Variants in DOK6 observed in about 807,000 individuals in gnomAD.
The protein encoded by DOK6 is docking protein 6.
In DOK6, 22 loss-of-function variants were observed where a neutral mutation model predicts 44.0. The observed-to-expected ratio is 0.50, with a 90% CI of 0.36 to 0.71. DOK6 has a LOEUF of 0.71. Among genes scored for constraint, DOK6 ranks in the 30% least tolerant of loss-of-function variants. DOK6 has a pLI of 0.00. For synonymous variants in DOK6, 166 were observed against 145.5 expected, an observed-to-expected ratio of 1.14 and a Z score of -1.01; for missense variants, 340 against 416.4, an observed-to-expected ratio of 0.82 and a Z score of 1.60.
intron 1 of DOK6, among the ~76,000 whole-genome samples, chr18:69,482,426 C>T (rs17081003): frequency 0.24 from 36,303 of 150,744 alleles, 4,771 homozygotes; most frequent in East Asian, 0.53. Context: ...ATAAATAGAA[C>T]GGGACTGACA....
chr18:69,487,224 T>C (rs974415532), intron 1 of DOK6, among the ~76,000 whole-genome samples: 7 of 135,654 alleles, frequency 5.2e-5, no homozygotes, highest in African/African-American at 1.8e-4. Context: ...TGTGTGTGTC[T>C]GTCTGTGTGT....
At chr18:69,673,241 T>TATATAC (rs1985848514) in intron 3 of DOK6, among the ~76,000 whole-genome samples, 1 of 152,008 alleles carries the variant, frequency 6.6e-6, no homozygotes, top group Non-Finnish European at 1.5e-5. Context: ...TATATATATA[T>TATATAC]ATATGATGAA....
intron 5 of DOK6, among the ~76,000 whole-genome samples, chr18:69,712,174 G>A (rs552604475): frequency 2.7e-5 from 4 of 146,732 alleles, no homozygotes; most frequent in Admixed American, 2.7e-4. Flanking sequence ...CCAGCTACTT[G>A]GGAGGCTGAG....
intron 3 of DOK6, among the ~76,000 whole-genome samples, chr18:69,606,569 A>G (rs1762265422): frequency 6.6e-6 from 1 of 151,888 alleles, no homozygotes. Flanking sequence ...TAGACAAGAA[A>G]AAGAAACAAA....
At chr18:69,808,227 T>C (rs1271697296) in intron 7 of DOK6, among the ~76,000 whole-genome samples, 1 of 151,732 alleles carries the variant, frequency 6.6e-6, no homozygotes, top group African/African-American at 2.4e-5. Flanking sequence ...AAGAGAAATT[T>C]AAATATACCT....
chr18:69,586,032 A>T (rs966252561), intron 2 of DOK6, among the ~76,000 whole-genome samples: 3 of 152,172 alleles, frequency 2.0e-5, no homozygotes, highest in Admixed American at 1.3e-4. Context: ...TCTTATATAT[A>T]ATGGTAGGTC....
intron 2 of DOK6, among the ~76,000 whole-genome samples, chr18:69,583,872 A>G (rs1320322469): frequency 2.0e-5 from 3 of 152,096 alleles, no homozygotes; most frequent in Non-Finnish European, 4.4e-5. Flanking sequence ...ACTTTGGGAG[A>G]CCAAGGCGGG....
At chr18:69,811,476 A>G (rs900154224) in intron 7 of DOK6, among the ~76,000 whole-genome samples, 2 of 145,598 alleles carry the variant, frequency 1.4e-5, no homozygotes, top group African/African-American at 5.3e-5. Context: ...AAAAATGTTA[A>G]GTATGTGAGG....
chr18:69,760,558 C>CA (rs1212312348), intron 7 of DOK6, among the ~76,000 whole-genome samples: 1 of 152,030 alleles, frequency 6.6e-6, no homozygotes, highest in Non-Finnish European at 1.5e-5. Context: ...AGCAGGCGCC[C>CA]TGAGAAACCA....
chr18:69,628,190 CA>C (rs1984603033), intron 3 of DOK6, among the ~76,000 whole-genome samples: 1 of 152,094 alleles, frequency 6.6e-6, no homozygotes, highest in Non-Finnish European at 1.5e-5. Context: ...GTTGCTGTGT[CA>C]TCAAATGTTT....
chr18:69,559,606 C>T (rs1982777397), intron 1 of DOK6, among the ~76,000 whole-genome samples: 1 of 152,140 alleles, frequency 6.6e-6, no homozygotes, highest in African/African-American at 2.4e-5. Flanking sequence ...CCACAACCAG[C>T]ACTATCCTAC....
intron 6 of DOK6, among the ~76,000 whole-genome samples, chr18:69,752,772 C>T (rs1485399617): frequency 1.3e-5 from 2 of 152,180 alleles, no homozygotes; most frequent in African/African-American, 4.8e-5. Flanking sequence ...TCCTGAGGCA[C>T]AGCGAGCATC....
chr18:69,488,989 C>A (rs759368407), intron 1 of DOK6, among the ~76,000 whole-genome samples: 1 of 152,130 alleles, frequency 6.6e-6, no homozygotes, highest in South Asian at 2.1e-4. Context: ...TTGATGGAGT[C>A]CATAGGGTTC....
chr18:69,473,830 C>G (rs9956254), intron 1 of DOK6, among the ~76,000 whole-genome samples: 42,095 of 152,122 alleles, frequency 0.28, 6,161 homozygotes, highest in South Asian at 0.41. Context: ...CTGTCTCCTA[C>G]GATTACAAAT....
chr18:69,623,016 C>T (rs1984478390), intron 3 of DOK6, among the ~76,000 whole-genome samples: 2 of 152,132 alleles, frequency 1.3e-5, no homozygotes, highest in African/African-American at 4.8e-5. Context: ...AGTTGTCATC[C>T]TCAGTGTTGG....
At chr18:69,723,126 G>A (rs1250118359) in intron 5 of DOK6, among the ~76,000 whole-genome samples, 1 of 152,052 alleles carries the variant, frequency 6.6e-6, no homozygotes, top group African/African-American at 2.4e-5. Context: ...ATAGGAATGG[G>A]TTATTTTGCC....
intron 1 of DOK6, among the ~76,000 whole-genome samples, chr18:69,487,680 G>T (rs539528405): frequency 2.6e-5 from 4 of 152,290 alleles, no homozygotes; most frequent in Non-Finnish European, 5.9e-5. Flanking sequence ...TGAGAAGCAG[G>T]TAACAGGTTA....
At chr18:69,762,044 A>G (rs1979574094) in intron 7 of DOK6, among the ~76,000 whole-genome samples, 2 of 152,068 alleles carry the variant, frequency 1.3e-5, no homozygotes, top group African/African-American at 4.8e-5. Flanking sequence ...AAAAGAAGGA[A>G]AGTTCAACTT....
At chr18:69,694,209 C>T (rs867874248) in intron 4 of DOK6, among the ~76,000 whole-genome samples, 1 of 151,726 alleles carries the variant, frequency 6.6e-6, no homozygotes, top group Middle Eastern at 3.4e-3. Context: ...TCCCTGAGTA[C>T]AGTCACCCTG....
Sources: gnomAD v4.1 joint callset for allele counts (sites outside exome capture counted in the v4.1 genomes callset) on GRCh38, gnomAD v4.1.1 for gene constraint, MANE v1.5 for transcripts, NCBI Gene and HGNC (gene_info 2026-07-23, HGNC 2026-07-21) for gene names.